PPFIA2: variants seen among roughly 807,000 people sequenced by gnomAD.
PPFIA2 encodes PPFI scaffold protein A2.
PPFIA2 carries 46 observed loss-of-function variants against 175.5 expected under a neutral mutation model. The ratio of observed to expected loss-of-function variants is 0.26; its 90% CI spans 0.21 to 0.34. PPFIA2 has a LOEUF of 0.34. PPFIA2 is among the 10% of genes least tolerant of loss of function. The pLI is 1.00. For synonymous variants in PPFIA2, 568 were observed against 511.4 expected, an observed-to-expected ratio of 1.11 and a Z score of -1.49; for missense variants, 1,179 against 1,506.1, an observed-to-expected ratio of 0.78 and a Z score of 3.60.
At chr12:81,414,422 T>C (rs1251565414) in intron 7 of PPFIA2, among the ~76,000 whole-genome samples, 1 of 151,758 alleles carries the variant, frequency 6.6e-6, no homozygotes. Flanking sequence ...ATAACTCGTA[T>C]ACAGCATAAG....
At chr12:81,621,924 T>C (rs2062089453) in intron 4 of PPFIA2, among the ~76,000 whole-genome samples, 1 of 152,174 alleles carries the variant, frequency 6.6e-6, no homozygotes, top group African/African-American at 2.4e-5. Context: ...ATCCTCAGTA[T>C]ATAGACTTAA....
chr12:81,691,356 A>G (rs1278801359), intron 3 of PPFIA2, among the ~76,000 whole-genome samples: 2 of 152,134 alleles, frequency 1.3e-5, no homozygotes, highest in Non-Finnish European at 2.9e-5. Flanking sequence ...ACCTCTCTAT[A>G]TTCTGTAATG....
intron 8 of PPFIA2, among the ~76,000 whole-genome samples, chr12:81,403,140 A>T (rs1566668578): frequency 6.6e-6 from 1 of 152,206 alleles, no homozygotes; most frequent in Non-Finnish European, 1.5e-5. Flanking sequence ...AGTAATCATA[A>T]TGTTTAAAAA....
chr12:81,379,272 A>G (rs990821938), intron 9 of PPFIA2, among the ~76,000 whole-genome samples: 2 of 152,310 alleles, frequency 1.3e-5, no homozygotes, highest in South Asian at 4.1e-4. Context: ...ATGAGAAAAA[A>G]TAAAGATTCA....
At chr12:81,742,133 A>C (rs2082399459) in intron 3 of PPFIA2, among the ~76,000 whole-genome samples, 1 of 152,192 alleles carries the variant, frequency 6.6e-6, no homozygotes, top group Non-Finnish European at 1.5e-5. Flanking sequence ...AAGATATGTT[A>C]TCAGATAGGT....
chr12:81,405,818 C>A lies in PPFIA2; in HGVS notation c.731G>T (p.Gly244Val), dbSNP rs1184500124. 6.3e-7 allele frequency: 1 copy of A among 1,578,354 alleles called. No homozygotes were observed. ...ATGGACTTTCTGTCCAGGTTCCATC[C>A]CTTCAAGATGTTCTGACTCTGTGGA... ...EGSTESEHLE[G>V]MEPGQKVHEK... The change falls in exon 8 of 33, where the codon GGG becomes GTG. Residue 244 changes from glycine to valine, a missense_variant. Physicochemically the swap from Gly to Val is moderately radical, Grantham distance 109 (BLOSUM62 -3). Around this residue, in one of 10 missense-constraint regions of PPFIA2, gnomAD observed 226 missense variants for 216.6 expected, o/e 1.04. Transcript: ENST00000549396.
intron 3 of PPFIA2, among the ~76,000 whole-genome samples, chr12:81,689,946 A>G (rs1296314608): frequency 6.6e-6 from 1 of 152,086 alleles, no homozygotes; most frequent in Non-Finnish European, 1.5e-5. Flanking sequence ...AACAGACGAT[A>G]CAGACAGTCC....
chr12:81,259,487 T>C lies in PPFIA2; in HGVS notation c.*207A>G. Reference sequence around the variant, plus strand: ...AATGACTTAAGCATTTTATTACAATTTGTAGTAAACTAATCAAATGTAATA... The same window carrying C: ...AATGACTTAAGCATTTTATTACAATCTGTAGTAAACTAATCAAATGTAATA... On this transcript the variant is annotated 3_prime_UTR_variant, in exon 33 of 33. Transcript: ENST00000549396. 1 of 718,388 alleles carries C rather than the reference T, an allele frequency of 1.4e-6. No individual in the cohort carries two copies. The highest frequency in any genetic ancestry group is 1.6e-5 in the South Asian group (1 of 61,254). 44.5% of individuals were successfully genotyped at this position (718,388 alleles called of 1,614,324 possible).
rs571642829 is a variant in PPFIA2 at position 81,688,254 on chromosome 12, G to A, written c.250-11410C>T. ...TACAAATTTATTCCTCTTTAAATGT[G>A]TTATTTGATATCACAGGTTTATATA... On this transcript the variant is annotated intron_variant, in intron 3 of 32. Transcript: ENST00000549396. 5.3e-5 allele frequency among the ~76,000 whole-genome samples: 8 copies of A among 151,910 alleles called. No homozygotes were observed. The East Asian group carries it at 1.6e-3, about 30-fold the overall frequency.
intron 3 of PPFIA2, among the ~76,000 whole-genome samples, chr12:81,700,177 T>G (rs1035057159): frequency 6.6e-6 from 1 of 152,056 alleles, no homozygotes; most frequent in Admixed American, 6.6e-5. Flanking sequence ...TTTTGGATGA[T>G]CTCATCCATT....
At chr12:81,693,820 T>C (rs890118805) in intron 3 of PPFIA2, among the ~76,000 whole-genome samples, 11 of 152,118 alleles carry the variant, frequency 7.2e-5, no homozygotes, top group Non-Finnish European at 1.2e-4. Flanking sequence ...GTCAAGGTCT[T>C]AGATGGAAAT....
chr12:81,635,428 T>G (rs916002818), intron 4 of PPFIA2, among the ~76,000 whole-genome samples: 1 of 152,228 alleles, frequency 6.6e-6, no homozygotes, highest in African/African-American at 2.4e-5. Flanking sequence ...GGTTTATGGA[T>G]TCTTTGGGTC....
intron 8 of PPFIA2, among the ~76,000 whole-genome samples, chr12:81,390,772 G>T (rs1490500305): frequency 6.6e-6 from 1 of 151,290 alleles, no homozygotes; most frequent in Non-Finnish European, 1.5e-5. Context: ...AATTTCAAAT[G>T]TTTTTAATTT....
At chr12:81,333,829 T>G (rs1298855251) in intron 21 of PPFIA2, among the ~76,000 whole-genome samples, 3 of 152,152 alleles carry the variant, frequency 2.0e-5, no homozygotes, top group Non-Finnish European at 4.4e-5. Context: ...TCCAAGTGAT[T>G]TTGGATGTGC....
At chr12:81,490,464 T>A (rs185874322) in intron 4 of PPFIA2, among the ~76,000 whole-genome samples, 1 of 152,046 alleles carries the variant, frequency 6.6e-6, no homozygotes, top group Non-Finnish European at 1.5e-5. Context: ...ATGGCCAACA[T>A]ACTACTTCTT....
rs139182906 is a variant in PPFIA2, at chr12:81,631,688, A to G, written c.303+45103T>C. Reference sequence around the variant, plus strand: ...AACTAAGTTGCAACATAATTTCCACAGTGTCTACTATTCAGTGTTCATGCT... The same window carrying G: ...AACTAAGTTGCAACATAATTTCCACGGTGTCTACTATTCAGTGTTCATGCT... On this transcript the variant is annotated intron_variant, in intron 4 of 32. Transcript: ENST00000549396. Among the ~76,000 whole-genome samples the G allele has an allele frequency of 5.9e-5, 9 of 152,350 alleles. No individual in the cohort carries two copies. The East Asian group carries it at 1.7e-3, about 29-fold the overall frequency.
chr12:81,417,534 C>T (rs2045519418), intron 7 of PPFIA2, among the ~76,000 whole-genome samples: 1 of 151,192 alleles, frequency 6.6e-6, no homozygotes, highest in Non-Finnish European at 1.5e-5. Context: ...ATCAATCTTG[C>T]ATATAACAAA....
chr12:81,563,563 A>G (rs1025450006), intron 4 of PPFIA2, among the ~76,000 whole-genome samples: 2 of 152,172 alleles, frequency 1.3e-5, no homozygotes, highest in African/African-American at 4.8e-5. Context: ...TAAATATATG[A>G]CATAATATGT....
intron 8 of PPFIA2, among the ~76,000 whole-genome samples, chr12:81,391,394 C>A (rs1048313040): frequency 1.3e-5 from 2 of 151,778 alleles, no homozygotes; most frequent in Non-Finnish European, 2.9e-5. Context: ...AAATATGAGA[C>A]TTGACAGGGA....
Sources: allele counts gnomAD v4.1 joint callset (sites outside exome capture counted in the v4.1 genomes callset), GRCh38; gene constraint gnomAD v4.1.1; regional missense constraint gnomAD v4.1.1; transcripts MANE v1.5; gene names NCBI Gene and HGNC (gene_info 2026-07-23, HGNC 2026-07-21).